DAPK1: variants seen among roughly 807,000 people sequenced by gnomAD.
DAPK1 encodes the protein death associated protein kinase 1.
A neutral mutation model predicts 144.9 loss-of-function variants in DAPK1; 56 were observed. The ratio of observed to expected loss-of-function variants is 0.39; its 90% confidence interval spans 0.31 to 0.48. The LOEUF is 0.48. Among genes scored for constraint, DAPK1 ranks in the 20% least tolerant of loss-of-function variants. The pLI, the probability that DAPK1 is intolerant of heterozygous loss-of-function variation, is 0.95. For synonymous variants in DAPK1, 690 were observed against 749.0 expected, an observed-to-expected ratio of 0.92 and a Z score of 1.29; for missense variants, 1,454 against 1,875.4, an observed-to-expected ratio of 0.78 and a Z score of 4.15.
At chr9:87,511,280 CTTA>C (rs974072430) in intron 2 of DAPK1, among the ~76,000 whole-genome samples, 1 of 152,200 alleles carries the variant, frequency 6.6e-6, no homozygotes, top group African/African-American at 2.4e-5. Flanking sequence ...GTGAGTCCAC[CTTA>C]TTATGTGCTC....
intron 2 of DAPK1, among the ~76,000 whole-genome samples, chr9:87,510,807 C>T (rs573549533): frequency 6.7e-6 from 1 of 149,514 alleles, no homozygotes; most frequent in East Asian, 2.1e-4. Context: ...TTGGGAAAGT[C>T]ACTTGACTTC....
intron 18 of DAPK1, among the ~76,000 whole-genome samples, chr9:87,662,563 T>TTG (rs368594757): frequency 3.8e-5 from 5 of 131,324 alleles, no homozygotes; most frequent in African/African-American, 1.5e-4. Flanking sequence ...ATTCCTAGTT[T>TTG]TTTTTTTTTT....
At position 87,662,560 on chromosome 9, in the gene DAPK1, G is replaced by GTTTTTTTTTTTTTTTTTT. The variant is rs71507734; in HGVS notation, c.1923+4441_1923+4458dup. 7.2e-4 allele frequency among the ~76,000 whole-genome samples: 23 copies of GTTTTTTTTTTTTTTTTTT among 32,132 alleles called. 6 individuals are homozygous for GTTTTTTTTTTTTTTTTTT. The highest frequency in any genetic ancestry group is 1.8e-3 in the East Asian group (2 of 1,082). The allele number at this position is 32,132 out of a possible 152,430, so 21.1% of individuals were successfully genotyped here. A position where few individuals can be genotyped will look rare whatever the true frequency, so the allele number is the denominator to read the frequency against. ...ACCTCCTTGGTTAAATATATTCCTA[G>GTTTTTTTTTTTTTTTTTT]TTTTTTTTTTTTTTTTTTTTTTTTT... On this transcript the variant is annotated intron_variant, in intron 18 of 25. Coordinates refer to ENST00000408954, the MANE Select transcript of DAPK1 (RefSeq NM_004938.4).
At chr9:87,640,152 A>G in intron 7 of DAPK1, 146 bp from the exon 8 acceptor site, 1 of 833,418 alleles carries the variant, frequency 1.2e-6, no homozygotes, top group Non-Finnish European at 1.8e-6. Flanking sequence ...TGCTCCTGAC[A>G]GTTAAAGCCC....
intron 19 of DAPK1, among the ~76,000 whole-genome samples, 200 bp from the exon 20 acceptor site, chr9:87,681,204 G>A (rs1449094159): frequency 6.6e-6 from 1 of 151,678 alleles, no homozygotes; most frequent in Non-Finnish European, 1.5e-5. Context: ...CTTGAACCCA[G>A]AAGGCAGAGG....
At chr9:87,633,097 G>A in intron 3 of DAPK1, 1 of 979,558 alleles carries the variant, frequency 1.0e-6, no homozygotes, top group Non-Finnish European at 1.2e-6. Context: ...GAATGAAGGA[G>A]GATGAGTACA....
intron 2 of DAPK1, among the ~76,000 whole-genome samples, chr9:87,574,338 T>C (rs1485804455): frequency 6.6e-6 from 1 of 152,148 alleles, no homozygotes; most frequent in Non-Finnish European, 1.5e-5. Context: ...GAAGATCAAA[T>C]ATTGGGATAA....
chr9:87,593,832 GA>G (rs1361600206), intron 2 of DAPK1, among the ~76,000 whole-genome samples: 14 of 152,302 alleles, frequency 9.2e-5, no homozygotes, highest in Admixed American at 9.1e-4. Flanking sequence ...CCCACTGGCT[GA>G]AAGGGGATTA....
At chr9:87,631,142 A>C (rs566591435) in intron 3 of DAPK1, among the ~76,000 whole-genome samples, 12 of 152,080 alleles carry the variant, frequency 7.9e-5, no homozygotes, top group Admixed American at 7.9e-4. Flanking sequence ...GATTTCTTCC[A>C]CTCTGAAGAA....
intron 18 of DAPK1, among the ~76,000 whole-genome samples, chr9:87,661,698 G>T (rs1276055323): frequency 6.6e-6 from 1 of 152,166 alleles, no homozygotes; most frequent in Non-Finnish European, 1.5e-5. Flanking sequence ...TTGTTGAGTT[G>T]TTTGAGTTCC....
At chr9:87,661,214 G>A (rs150959355) in intron 18 of DAPK1, among the ~76,000 whole-genome samples, 215 of 152,260 alleles carry the variant, frequency 1.4e-3, no homozygotes, top group African/African-American at 4.4e-3. Flanking sequence ...GTCCTCTGTC[G>A]GTGGACACTT....
At chr9:87,516,485 C>T (rs1825061116) in intron 2 of DAPK1, among the ~76,000 whole-genome samples, 1 of 152,124 alleles carries the variant, frequency 6.6e-6, no homozygotes, top group Non-Finnish European at 1.5e-5. Flanking sequence ...CCTGCTCTGT[C>T]CCAAGGGTGA....
At chr9:87,621,189 C>T (rs1404826825) in intron 3 of DAPK1, among the ~76,000 whole-genome samples, 1 of 152,222 alleles carries the variant, frequency 6.6e-6, no homozygotes, top group Non-Finnish European at 1.5e-5. Flanking sequence ...ATGCATTGGT[C>T]ATGACCACTT....
intron 2 of DAPK1, among the ~76,000 whole-genome samples, chr9:87,582,623 C>T (rs1827791630): frequency 2.0e-5 from 3 of 149,970 alleles, no homozygotes; most frequent in Admixed American, 6.7e-5. Flanking sequence ...GGTGCTATCT[C>T]GGCTCACTGC....
intron 2 of DAPK1, among the ~76,000 whole-genome samples, chr9:87,517,756 T>C (rs10868611): frequency 0.61 from 93,120 of 152,026 alleles, 28,865 homozygotes; most frequent in South Asian, 0.83. Context: ...GATCACTCTC[T>C]GCTAGCTGGG....
chr9:87,622,911 TA>T (rs928432192), intron 3 of DAPK1, among the ~76,000 whole-genome samples: 16 of 149,098 alleles, frequency 1.1e-4, no homozygotes, highest in South Asian at 2.1e-4. Context: ...ACTCCATCTC[TA>T]AAAAAAAAAT....
At chr9:87,515,136 C>T (rs537580396) in intron 2 of DAPK1, among the ~76,000 whole-genome samples, 1 of 152,296 alleles carries the variant, frequency 6.6e-6, no homozygotes, top group African/African-American at 2.4e-5. Flanking sequence ...AAACTAGCCT[C>T]TTATGGGGAT....
intron 2 of DAPK1, among the ~76,000 whole-genome samples, chr9:87,552,058 G>C (rs182261838): frequency 7.1e-6 from 1 of 141,556 alleles, no homozygotes; most frequent in Non-Finnish European, 1.5e-5. Flanking sequence ...AGCAGGCCTC[G>C]CGAGGCTGGC....
rs369691220 is a variant in DAPK1 at position 87,703,169 on chromosome 9, C to T, written c.3012C>T (p.Ser1004=). Residue 1004 remains serine (S), a synonymous_variant, in exon 25 of 26, where the codon AGC becomes AGT. Coordinates refer to ENST00000408954, the MANE Select transcript of DAPK1 (RefSeq NM_004938.4). ...DVQDQLNPLA[S]EEDLRRIAQQ... The stretch of plus-strand genomic sequence containing the variant: ...AGGACCAGCTGAACCCCCTGGCCAG[C>T]GAGGAGGACCTCAGGCGCATTGCTC... 16 of 1,612,598 alleles carry T rather than the reference C, an allele frequency of 9.9e-6. No individual in the cohort carries two copies. The highest frequency in any genetic ancestry group is 4.0e-5 in the African/African-American group (3 of 75,026).
Sources: gnomAD v4.1 joint callset for allele counts (sites outside exome capture counted in the v4.1 genomes callset) on GRCh38, gnomAD v4.1.1 for gene constraint, MANE v1.5 for transcripts, NCBI Gene and HGNC (gene_info 2026-07-23, HGNC 2026-07-21) for gene names.